FASTKD2: variants seen among roughly 807,000 people sequenced by gnomAD.
The protein encoded by FASTKD2 is FAST kinase domain-containing protein 2, mitochondrial.
A neutral mutation model predicts 63.6 loss-of-function variants in FASTKD2; 51 were observed. That is an observed-to-expected ratio of 0.80 (90% confidence interval 0.64 to 1.01). FASTKD2 has a LOEUF of 1.01. Ranked by LOEUF, FASTKD2 falls within the 50% of genes least tolerant of loss-of-function variation. The probability of loss-of-function intolerance (pLI) is 0.00; values close to 1 mark genes in which losing one functional copy is unlikely to be tolerated. For synonymous variants in FASTKD2, 284 were observed against 293.4 expected, an observed-to-expected ratio of 0.97 and a Z score of 0.33; for missense variants, 786 against 831.1, an observed-to-expected ratio of 0.95 and a Z score of 0.67.
intron 7 of FASTKD2, among the ~76,000 whole-genome samples, chr2:206,784,953 T>A (rs1329906202): frequency 2.0e-5 from 3 of 152,222 alleles, no homozygotes; most frequent in Non-Finnish European, 4.4e-5. Flanking sequence ...TTAGTCTGTT[T>A]TCACGCAGCT....
In FASTKD2 at chr2:206,776,076, T is replaced by C. The variant is rs148556548; in HGVS notation, c.1427+1679T>C. Among the ~76,000 whole-genome samples, 332 of 151,670 alleles carry C rather than the reference T, an allele frequency of 2.2e-3. 1 individual carries two copies. The highest frequency in any genetic ancestry group is 7.4e-3 in the African/African-American group (307 of 41,428). ...GTCCTTTGCCTATTTTTAAATCATATTATTATTTTTGCTATTCAGTTACAG... is the reference window on the plus strand; with the variant it reads ...GTCCTTTGCCTATTTTTAAATCATACTATTATTTTTGCTATTCAGTTACAG... On this transcript the variant is annotated intron_variant, in intron 7 of 11. Coordinates refer to ENST00000402774, the MANE Select transcript of FASTKD2 (RefSeq NM_001136193.2).
intron 6 of FASTKD2, among the ~76,000 whole-genome samples, chr2:206,773,461 T>A (rs1689743412): frequency 1.3e-5 from 2 of 152,186 alleles, no homozygotes; most frequent in Non-Finnish European, 1.5e-5. Flanking sequence ...GAATAAAATG[T>A]CACTACTTAA....
chr2:206,772,376 T>C, intron 6 of FASTKD2, 56 bp downstream of exon 6: 2 of 1,492,446 alleles, frequency 1.3e-6, no homozygotes, highest in Non-Finnish European at 1.9e-6. Flanking sequence ...CACTAATTCA[T>C]GTAGCATTTT....
chr2:206,774,117 T>C, intron 6 of FASTKD2, 108 bp from the exon 7 acceptor site: 1 of 702,902 alleles, frequency 1.4e-6, no homozygotes. Flanking sequence ...GGATATATTC[T>C]GTTGATCAGG....
intron 4 of FASTKD2, 28 bp downstream of exon 4, chr2:206,771,318 T>C: frequency 7.5e-7 from 1 of 1,340,182 alleles, no homozygotes; most frequent in Admixed American, 1.7e-5. Flanking sequence ...CTCTAGTGGA[T>C]GAGATTTGAA....
chr2:206,766,107 A>G (rs1689444905), intron 1 of FASTKD2, among the ~76,000 whole-genome samples: 1 of 151,866 alleles, frequency 6.6e-6, no homozygotes, highest in Non-Finnish European at 1.5e-5. Flanking sequence ...AAAAAATACA[A>G]AAATTAGCCG....
At chr2:206,780,009 A>T (rs935077759) in intron 7 of FASTKD2, among the ~76,000 whole-genome samples, 1 of 152,216 alleles carries the variant, frequency 6.6e-6, no homozygotes, top group Non-Finnish European at 1.5e-5. Flanking sequence ...ATTGCATACA[A>T]AAGCTGTACA....
At chr2:206,772,423 C>T (rs1559360770) in intron 6 of FASTKD2, 103 bp downstream of exon 6, 1 of 1,120,054 alleles carries the variant, frequency 8.9e-7, no homozygotes, top group Non-Finnish European at 1.3e-6. Context: ...AGTTAAGATA[C>T]CAAAATATTC....
intron 7 of FASTKD2, among the ~76,000 whole-genome samples, chr2:206,775,513 T>G (rs1689799712): frequency 6.6e-6 from 1 of 152,028 alleles, no homozygotes; most frequent in Non-Finnish European, 1.5e-5. Flanking sequence ...TGCTAGTATT[T>G]TTTTTGAGGA....
rs1208889746 is a variant in FASTKD2, at chr2:206,794,843, C to T, written c.*3041C>T. The stretch of plus-strand genomic sequence containing the variant: ...GTCATGTGTTGTGAGGGTAGTCACC[C>T]TGCAACTGGCTTGGACATCTCTAAG... On this transcript the variant is annotated 3_prime_UTR_variant, in exon 12 of 12. Transcript: ENST00000402774. Among the ~76,000 whole-genome samples the T allele has an allele frequency of 6.6e-6, 1 of 152,162 alleles. No individual in the cohort carries two copies. Among genetic ancestry groups the T allele is most frequent in the African/African-American group, 2.4e-5 (1 of 41,442 alleles).
At position 206,767,253 on chromosome 2, in the gene FASTKD2, C is replaced by T. The variant is rs1239717606; in HGVS notation, c.560C>T (p.Ala187Val). The T allele has an allele frequency of 4.3e-6, 7 of 1,614,174 alleles. No homozygotes were observed. Among genetic ancestry groups the T allele is most frequent in the Non-Finnish European group, 5.1e-6 (6 of 1,180,010 alleles). ...TTTCCTAGTAGCAACTATTTCACAG[C>T]AATGTGGACAATTGCCAAAAGACTG... ...PTFPSSNYFT[A>V]MWTIAKRLSD... Residue 187 changes from alanine (A) to valine (V), a missense_variant, in exon 2 of 12, where the codon GCA (alanine) becomes GTA (valine). Physicochemically the swap from Ala to Val is moderately conservative, Grantham distance 64. Transcript: ENST00000402774.
At chr2:206,773,564 CTTCTT>C (rs1689745784) in intron 6 of FASTKD2, among the ~76,000 whole-genome samples, 1 of 152,054 alleles carries the variant, frequency 6.6e-6, no homozygotes, top group African/African-American at 2.4e-5. Flanking sequence ...CTGGTAAAAA[CTTCTT>C]TTTGCAATGA....
chr2:206,788,528 G>A (rs954646552), intron 9 of FASTKD2, among the ~76,000 whole-genome samples: 2 of 151,972 alleles, frequency 1.3e-5, no homozygotes, highest in Admixed American at 6.6e-5. Context: ...GAGCTCAGGA[G>A]TTCAAGACCA....
chr2:206,772,786 T>G (rs1338396198), intron 6 of FASTKD2, among the ~76,000 whole-genome samples: 1 of 152,136 alleles, frequency 6.6e-6, no homozygotes, highest in Admixed American at 6.5e-5. Flanking sequence ...GTTAACTCAT[T>G]TTGCCCAACT....
chr2:206,771,917 C>T lies in FASTKD2; in HGVS notation c.1014C>T (p.Asp338=), dbSNP rs763986729. Residue 338 remains aspartate (D), a synonymous_variant, in exon 5 of 12, where the codon GAC becomes GAT. Coordinates refer to ENST00000402774, the MANE Select transcript of FASTKD2 (RefSeq NM_001136193.2). Reference sequence around the variant, plus strand: ...AGATGAAAGCCTTGAGGGAATTAGACAGATTTTCTGTTTTGAATAGCCAAC... The same window carrying T: ...AGATGAAAGCCTTGAGGGAATTAGATAGATTTTCTGTTTTGAATAGCCAAC... ...KLEMKALREL[D]RFSVLNSQHM... is the part of the protein sequence containing the mutation. 6.2e-7 allele frequency: 1 copy of T among 1,606,630 alleles called. No homozygotes were observed. The highest frequency in any genetic ancestry group is 2.2e-5 in the East Asian group (1 of 44,824).
chr2:206,791,862 C>G lies in FASTKD2; in HGVS notation c.*60C>G, dbSNP rs910041107. The G allele has an allele frequency of 2.7e-6, 4 of 1,505,206 alleles. No homozygotes were observed. Among genetic ancestry groups the G allele is most frequent in the Non-Finnish European group, 2.7e-6 (3 of 1,093,074 alleles). The allele number at this position is 1,505,206 out of a possible 1,614,324, so 93.2% of individuals were successfully genotyped here. On this transcript the variant is annotated 3_prime_UTR_variant, in exon 12 of 12. Transcript: ENST00000402774. ...CATTTGTAAAAATTAATAAAGATGA[C>G]AAGTCAGTTGTCAATGGAATTGAGC...
At position 206,796,036 on chromosome 2, in the gene FASTKD2, T is replaced by C. The variant is rs909006584; in HGVS notation, c.*4234T>C. ...TCATCTTGTAAGCAGGAGGCTTCTGTGCATGGCCAGAAACTAACAAAAGCA... is the reference window on the plus strand; with the variant it reads ...TCATCTTGTAAGCAGGAGGCTTCTGCGCATGGCCAGAAACTAACAAAAGCA... On this transcript the variant is annotated 3_prime_UTR_variant, in exon 12 of 12. Coordinates refer to ENST00000402774, the MANE Select transcript of FASTKD2 (RefSeq NM_001136193.2). Among the ~76,000 whole-genome samples, 1 of 152,170 alleles carries C rather than the reference T, an allele frequency of 6.6e-6. No individual in the cohort carries two copies. Among genetic ancestry groups the C allele is most frequent in the Non-Finnish European group, 1.5e-5 (1 of 68,024 alleles).
In FASTKD2 at chr2:206,771,745, A is replaced by G. The variant is rs1019576676; in HGVS notation, c.991-149A>G. The G allele has an allele frequency of 1.2e-4, 79 of 644,798 alleles. No homozygotes were observed. In the Admixed American group the frequency reaches 1.3e-3, roughly 11 times the overall value. The allele number at this position is 644,798 out of a possible 1,614,324, so 39.9% of individuals were successfully genotyped here. On this transcript the variant is annotated intron_variant, in intron 4 of 11. Transcript: ENST00000402774. ...GGTGCATGCCTGTAATCCCAGCTACATGGGCGGCTGAGGCAGGAGGATCAC... is the reference window on the plus strand; with the variant it reads ...GGTGCATGCCTGTAATCCCAGCTACGTGGGCGGCTGAGGCAGGAGGATCAC...
At position 206,791,692 on chromosome 2, in the gene FASTKD2, T is replaced by A; in HGVS notation, c.2023T>A (p.Trp675Arg). 6.2e-7 allele frequency: 1 copy of A among 1,612,992 alleles called. No individual in the cohort carries two copies. Among genetic ancestry groups the A allele is most frequent in the Non-Finnish European group, 8.5e-7 (1 of 1,179,162 alleles). Residue 675 changes from tryptophan (W) to arginine (R), a missense_variant, in exon 12 of 12, where the codon TGG (tryptophan) becomes AGG (arginine). Trp to Arg is a moderately radical substitution (Grantham distance 101). Transcript: ENST00000402774. Reference sequence around the variant, plus strand: ...CTCTTTCTTTGGTAAGGTCAATAACTGGGAGATGGACAAACTAGAGATGGA... The same window carrying A: ...CTCTTTCTTTGGTAAGGTCAATAACAGGGAGATGGACAAACTAGAGATGGA... ...MGFHVILVNN[W>R]EMDKLEMEDA...
Sources: gnomAD v4.1 joint callset for allele counts (sites outside exome capture counted in the v4.1 genomes callset) on GRCh38, gnomAD v4.1.1 for gene constraint, MANE v1.5 for transcripts, NCBI Gene and HGNC (gene_info 2026-07-23, HGNC 2026-07-21) for gene names.